Variants in TTC3 observed in about 807,000 individuals in gnomAD.
TTC3 encodes the protein tetratricopeptide repeat domain 3.
In TTC3, 180 loss-of-function variants were observed where a neutral mutation model predicts 249.6. That is an observed-to-expected ratio of 0.72 (90% confidence interval 0.64 to 0.82). The LOEUF (loss-of-function observed/expected upper bound fraction) is 0.82, where lower values mean the gene tolerates loss of function less well. Ranked by LOEUF, TTC3 falls within the 40% of genes least tolerant of loss-of-function variation. TTC3 has a pLI of 0.00. For synonymous variants in TTC3, 717 were observed against 805.0 expected, an observed-to-expected ratio of 0.89 and a Z score of 1.85; for missense variants, 2,061 against 2,398.4, an observed-to-expected ratio of 0.86 and a Z score of 2.94.
exon 20 of TTC3, chr21:37,140,563 A>G (rs1362419270): frequency 1.3e-6 from 2 of 1,577,234 alleles, no homozygotes; most frequent in Admixed American, 3.8e-5. Flanking sequence ...TATTCAAGGA[A>G]TTATCTGAAG....
chr21:37,185,715 G>A (rs1569169943), exon 37 of TTC3: 2 of 1,547,858 alleles, frequency 1.3e-6, no homozygotes, highest in Admixed American at 2.0e-5. Context: ...GGTATACCCA[G>A]AAAAATGATG....
At chr21:37,135,466 A>C (rs1407287604) in exon 18 of TTC3, 2 of 1,614,058 alleles carry the variant, frequency 1.2e-6, no homozygotes, top group East Asian at 4.5e-5. Flanking sequence ...GCAGCGCTGC[A>C]CAGGCCTTTA....
chr21:37,184,799 A>G (rs1287023186), intron 36 of TTC3, among the ~76,000 whole-genome samples: 1 of 152,128 alleles, frequency 6.6e-6, no homozygotes, highest in African/African-American at 2.4e-5. Flanking sequence ...TAAATGCTTT[A>G]AAGCTCAATT....
At chr21:37,122,428 ATATATATAT>A (rs2076678737) in intron 12 of TTC3, among the ~76,000 whole-genome samples, 11 of 26,908 alleles carry the variant, frequency 4.1e-4, no homozygotes, top group African/African-American at 1.2e-3. Flanking sequence ...TAATATATAT[ATATATATAT>A]TATATATATA....
exon 8 of TTC3, chr21:37,094,074 G>T: frequency 6.3e-7 from 1 of 1,599,686 alleles, no homozygotes; most frequent in South Asian, 1.1e-5. Context: ...ACTCAAAGTT[G>T]TATGGATTGT....
rs1442929181 is a variant in TTC3 at position 37,195,325 on chromosome 21, A to ATG, written c.5218-348_5218-347dup. Among the ~76,000 whole-genome samples, 8 of 152,228 alleles carry ATG rather than the reference A, an allele frequency of 5.3e-5. No homozygotes were observed. In the East Asian group the frequency reaches 1.5e-3, roughly 29 times the overall value. Reference sequence around the variant, plus strand: ...AGCTCTGGGGAGTGTGGTGGCCATGATGTTCCATCTGTCAGCTACATGGTT... The same window carrying ATG: ...AGCTCTGGGGAGTGTGGTGGCCATGATGTGTTCCATCTGTCAGCTACATGGTT... On this transcript the variant is annotated intron_variant, in intron 41 of 45. Transcript: ENST00000355666.
In TTC3 at chr21:37,195,781, G is replaced by A. The variant is rs141734118; in HGVS notation, c.5324G>A (p.Ser1775Asn). The A allele has an allele frequency of 1.9e-6, 3 of 1,614,196 alleles. No homozygotes were observed. In the East Asian group the frequency reaches 6.7e-5, roughly 36 times the overall value. Residue 1775 changes from serine to asparagine, a missense_variant, in exon 42 of 46, where the codon AGT becomes AAT. Around this residue, in one of 3 missense-constraint regions of TTC3, gnomAD observed 1,040 missense variants for 1,186.1 expected, o/e 0.88. Coordinates refer to ENST00000355666, the Ensembl canonical transcript of TTC3. ...CACGCAGCACTTCACAGGGATCCTA[G>A]TGTGTTCTCTGCTGGTGATTCCCCA...
At chr21:37,191,282 G>C in intron 39 of TTC3, 52 bp from the exon 40 acceptor site, 2 of 1,268,050 alleles carry the variant, frequency 1.6e-6, no homozygotes. Context: ...TTGACCGTAA[G>C]TGCTTTTAAT....
exon 33 of TTC3, chr21:37,166,373 G>A: frequency 1.2e-6 from 2 of 1,614,148 alleles, no homozygotes; most frequent in South Asian, 1.1e-5. Context: ...CTATTTTGAG[G>A]GTCATCATTT....
intron 10 of TTC3, among the ~76,000 whole-genome samples, chr21:37,104,575 C>CA (rs759927870): frequency 1.8e-4 from 17 of 92,062 alleles, no homozygotes; most frequent in Non-Finnish European, 2.8e-4. Context: ...CGGCGACGAG[C>CA]AAAACTCCGT....
chr21:37,164,006 G>T, intron 31 of TTC3, 45 bp from the exon 32 acceptor site: 3 of 1,574,662 alleles, frequency 1.9e-6, no homozygotes, highest in Non-Finnish European at 2.6e-6. Context: ...TAAACCAAAG[G>T]TCTATCATCC....
chr21:37,117,988 C>T (rs78154996), intron 11 of TTC3, among the ~76,000 whole-genome samples: 4,158 of 151,832 alleles, frequency 0.027, 82 homozygotes, highest in Middle Eastern at 0.045. Context: ...CATCCCTTCT[C>T]AGGGGATACT....
chr21:37,108,486 A>G (rs770222692), intron 11 of TTC3, 40 bp downstream of exon 11: 40 of 1,561,196 alleles, frequency 2.6e-5, no homozygotes, highest in African/African-American at 4.1e-5. Flanking sequence ...AAATAATGCC[A>G]TACAACATTG....
chr21:37,119,813 G>A (rs575166753), intron 11 of TTC3, among the ~76,000 whole-genome samples: 1 of 152,230 alleles, frequency 6.6e-6, no homozygotes, highest in East Asian at 1.9e-4. Flanking sequence ...CTTCATTTTG[G>A]TCAGAAGTGG....
At chr21:37,188,749 A>G in intron 39 of TTC3, 154 bp downstream of exon 39, 1 of 464,666 alleles carries the variant, frequency 2.2e-6, no homozygotes, top group Non-Finnish European at 3.8e-6. Context: ...ACATACAAAC[A>G]AAAATGATAA....
At chr21:37,164,244 T>G (rs752019068) in intron 32 of TTC3, 29 bp downstream of exon 32, 22 of 1,523,054 alleles carry the variant, frequency 1.4e-5, no homozygotes, top group Non-Finnish European at 1.9e-5. Context: ...TTACAACCAT[T>G]ATTTTATACT....
chr21:37,088,250 A>G lies in TTC3; in HGVS notation c.242A>G (p.Tyr81Cys), dbSNP rs754376808. 1.2e-6 allele frequency: 2 copies of G among 1,613,122 alleles called. No homozygotes were observed. Among genetic ancestry groups the G allele is most frequent in the Non-Finnish European group, 1.7e-6 (2 of 1,179,704 alleles). ...AAACCAATTTCTGTCCTGCAAGATT[A>G]TTGCGATGCCATTAAAATAAACATC... The change falls in exon 4 of 46, where the codon TAT becomes TGT. Residue 81 changes from tyrosine to cysteine, a missense_variant. This residue lies in a region of TTC3 where 989 missense variants were observed against 1,145.1 expected (regional missense o/e 0.86). Transcript: ENST00000355666.
chr21:37,182,794 T>A, exon 36 of TTC3: 1 of 1,593,382 alleles, frequency 6.3e-7, no homozygotes, highest in African/African-American at 1.4e-5. Flanking sequence ...CGGAATTAGA[T>A]TGGTTCCTTC....
chr21:37,147,321 A>T (rs1448664400), intron 21 of TTC3, among the ~76,000 whole-genome samples, 160 bp from the exon 22 acceptor site: 1 of 152,230 alleles, frequency 6.6e-6, no homozygotes, highest in Non-Finnish European at 1.5e-5. Context: ...TCCTTTTAAA[A>T]GGAAAAACTT....
Sources: gnomAD v4.1 joint callset for allele counts (sites outside exome capture counted in the v4.1 genomes callset) on GRCh38, gnomAD v4.1.1 for gene constraint, gnomAD v4.1.1 regional missense constraint, MANE v1.5 for transcripts, NCBI Gene and HGNC (gene_info 2026-07-23, HGNC 2026-07-21) for gene names.